NLK: variants seen among roughly 807,000 people sequenced by gnomAD.
The protein encoded by NLK is nemo like kinase, also known as serine/threonine-protein kinase NLK.
In NLK, 11 loss-of-function variants were observed where a neutral mutation model predicts 59.0. The ratio of observed to expected loss-of-function variants is 0.19; its 90% CI spans 0.12 to 0.31. The LOEUF is 0.31. Among genes scored for constraint, NLK ranks in the 10% least tolerant of loss-of-function variants. The probability of loss-of-function intolerance (pLI) is 1.00; values close to 1 mark genes in which losing one functional copy is unlikely to be tolerated. For missense variants in NLK, 410 were observed against 661.1 expected (o/e 0.62, Z 4.16); for synonymous variants, 235 against 235.9 (o/e 1.00, Z 0.03).
intron 6 of NLK, among the ~76,000 whole-genome samples, chr17:28,169,707 TGC>T (rs1317876153): frequency 3.4e-5 from 5 of 149,048 alleles, no homozygotes; most frequent in African/African-American, 1.0e-4. Context: ...CCTTTTTTTT[TGC>T]TGCTTCTTCT....
chr17:28,101,011 T>G (rs898304763), intron 1 of NLK, among the ~76,000 whole-genome samples: 4 of 152,184 alleles, frequency 2.6e-5, no homozygotes, highest in African/African-American at 9.6e-5. Flanking sequence ...GGATATCCTA[T>G]TATTCCATCA....
At chr17:28,051,548 G>A (rs1228370174) in intron 1 of NLK, among the ~76,000 whole-genome samples, 3 of 151,730 alleles carry the variant, frequency 2.0e-5, no homozygotes, top group Non-Finnish European at 4.4e-5. Context: ...TAGTAGAGAC[G>A]GGGTTTCACC....
chr17:28,134,035 C>T (rs1236743951), intron 3 of NLK, among the ~76,000 whole-genome samples: 1 of 151,660 alleles, frequency 6.6e-6, no homozygotes, highest in Admixed American at 6.6e-5. Flanking sequence ...TGCTAGTCAG[C>T]CCTCCATAGA....
At chr17:28,043,377 G>C in intron 1 of NLK, 46 bp downstream of exon 1, 1 of 1,438,626 alleles carries the variant, frequency 7.0e-7, no homozygotes, top group Non-Finnish European at 9.4e-7. Flanking sequence ...TTCTTCTGTT[G>C]GTTGTCATTG....
At chr17:28,160,309 T>A (rs1907952893) in intron 3 of NLK, among the ~76,000 whole-genome samples, 1 of 152,234 alleles carries the variant, frequency 6.6e-6, no homozygotes, top group Admixed American at 6.5e-5. Context: ...GCTGTTATTA[T>A]CAGTTCTCCT....
intron 1 of NLK, 87 bp from the exon 2 acceptor site, chr17:28,122,516 T>C (rs937350775): frequency 1.4e-6 from 2 of 1,387,130 alleles, no homozygotes; most frequent in South Asian, 1.2e-5. Flanking sequence ...GATAAAGATA[T>C]TGTCATGATC....
intron 1 of NLK, among the ~76,000 whole-genome samples, chr17:28,082,565 A>G (rs1050746638): frequency 6.6e-6 from 1 of 152,124 alleles, no homozygotes; most frequent in African/African-American, 2.4e-5. Flanking sequence ...TGGGAAAAAG[A>G]GTAGGTGGGG....
At chr17:28,080,370 A>G (rs957903421) in intron 1 of NLK, among the ~76,000 whole-genome samples, 6 of 152,170 alleles carry the variant, frequency 3.9e-5, no homozygotes, top group African/African-American at 1.4e-4. Flanking sequence ...GCTTGAGCCC[A>G]GGAGTTCAAG....
chr17:28,135,729 G>T (rs956843486), intron 3 of NLK, among the ~76,000 whole-genome samples: 1 of 152,178 alleles, frequency 6.6e-6, no homozygotes, highest in African/African-American at 2.4e-5. Context: ...AAATGCCAAA[G>T]ATATTTAGGT....
At chr17:28,161,722 G>A (rs769804790) in intron 4 of NLK, among the ~76,000 whole-genome samples, 2 of 152,094 alleles carry the variant, frequency 1.3e-5, no homozygotes, top group Non-Finnish European at 2.9e-5. Flanking sequence ...GAAACAAAAT[G>A]ACCCTTAAAA....
chr17:28,109,972 G>C lies in NLK; in HGVS notation c.459-12631G>C, dbSNP rs115871059. 3.3e-3 allele frequency among the ~76,000 whole-genome samples: 501 copies of C among 152,244 alleles called. 3 individuals are homozygous for C. The highest frequency in any genetic ancestry group is 0.011 in the African/African-American group (473 of 41,542). On this transcript the variant is annotated intron_variant, in intron 1 of 10. Coordinates refer to ENST00000407008, the MANE Select transcript of NLK (RefSeq NM_016231.5). ...GTAAAAGGGTTCCAATTTTGATTGG[G>C]ATTACATTGAATCTATAAGTCACTA...
intron 1 of NLK, among the ~76,000 whole-genome samples, chr17:28,057,865 G>C (rs917588022): frequency 6.6e-6 from 1 of 152,106 alleles, no homozygotes; most frequent in African/African-American, 2.4e-5. Context: ...ATAGTACAAA[G>C]CCTTGAGAAA....
intron 1 of NLK, among the ~76,000 whole-genome samples, chr17:28,075,878 T>A (rs1392150497): frequency 3.3e-5 from 5 of 152,216 alleles, no homozygotes; most frequent in African/African-American, 1.2e-4. Context: ...ACCTCCCGTC[T>A]GTTTTGGAAT....
chr17:28,065,324 G>A (rs532826791), intron 1 of NLK, among the ~76,000 whole-genome samples: 5 of 151,982 alleles, frequency 3.3e-5, no homozygotes, highest in Admixed American at 3.3e-4. Flanking sequence ...GATGACAGGG[G>A]ATGAGGGAGA....
rs62067266 is a variant in NLK at position 28,179,204 on chromosome 17, G to T, written c.1150-5975G>T. On this transcript the variant is annotated intron_variant, in intron 7 of 10. Coordinates refer to ENST00000407008, the MANE Select transcript of NLK (RefSeq NM_016231.5). ...AATTTAACATGTGTGAATGTTAGGA[G>T]AATTGGCAAAAATATTTCCAAATGA... Among the ~76,000 whole-genome samples the T allele has an allele frequency of 3.8e-3, 581 of 152,094 alleles. 2 individuals are homozygous for T. Among genetic ancestry groups the T allele is most frequent in the Middle Eastern group, 6.8e-3 (2 of 294 alleles).
chr17:28,105,424 G>A (rs958214887), intron 1 of NLK, among the ~76,000 whole-genome samples: 4 of 151,934 alleles, frequency 2.6e-5, no homozygotes, highest in African/African-American at 9.7e-5. Context: ...TTTTCAATTG[G>A]TAGTATAAAC....
In NLK at chr17:28,168,573, T is replaced by C; in HGVS notation, c.963T>C (p.Ala321=). 6.2e-7 allele frequency: 1 copy of C among 1,613,888 alleles called. No individual in the cohort carries two copies. The highest frequency in any genetic ancestry group is 8.5e-7 in the Non-Finnish European group (1 of 1,179,784). Residue 321 remains alanine (A), a synonymous_variant, in exon 6 of 11, where the codon GCT becomes GCC. Coordinates refer to ENST00000407008, the MANE Select transcript of NLK (RefSeq NM_016231.5). The part of the protein sequence containing the change: ...ILMGSRHYSN[A]IDIWSVGCIF... ...TGGGCAGCCGTCATTACAGCAATGC[T>C]ATTGACATCTGGTCTGTGGGATGTA...
At chr17:28,134,915 G>A (rs192210527) in intron 3 of NLK, among the ~76,000 whole-genome samples, 36 of 152,352 alleles carry the variant, frequency 2.4e-4, no homozygotes, top group African/African-American at 8.4e-4. Flanking sequence ...AGTAGCAACT[G>A]AGGAGAAAGC....
chr17:28,184,112 C>T (rs181562144), intron 7 of NLK, among the ~76,000 whole-genome samples: 352 of 152,292 alleles, frequency 2.3e-3, no homozygotes, highest in Non-Finnish European at 3.8e-3. Flanking sequence ...GTGGATATGC[C>T]TACCACTTAT....
Sources: gnomAD v4.1 joint callset for allele counts (sites outside exome capture counted in the v4.1 genomes callset) on GRCh38, gnomAD v4.1.1 for gene constraint, MANE v1.5 for transcripts, NCBI Gene and HGNC (gene_info 2026-07-23, HGNC 2026-07-21) for gene names.